DISC1: variants seen among roughly 807,000 people sequenced by gnomAD.
The protein encoded by DISC1 is DISC1 scaffold protein, also known as disrupted in schizophrenia 1 protein.
DISC1 carries 57 observed loss-of-function variants against 84.5 expected under a neutral mutation model. The ratio of observed to expected loss-of-function variants is 0.67; its 90% CI spans 0.55 to 0.84. The LOEUF (loss-of-function observed/expected upper bound fraction) is 0.84. Ranked by LOEUF, DISC1 falls within the 40% of genes least tolerant of loss-of-function variation. The pLI, the probability that DISC1 is intolerant of heterozygous loss-of-function variation, is 0.00. For missense variants in DISC1, 1,000 were observed against 1,057.8 expected, an observed-to-expected ratio of 0.95 and a Z score of 0.76; for synonymous variants, 411 against 415.2, an observed-to-expected ratio of 0.99 and a Z score of 0.12.
chr1:231,667,002 A>G (rs1380214277), intron 1 of DISC1, among the ~76,000 whole-genome samples: 4 of 152,194 alleles, frequency 2.6e-5, no homozygotes, highest in Non-Finnish European at 5.9e-5. Context: ...AATGTAGCTA[A>G]GATGTGGTAC....
rs888732180 is a variant in DISC1, at chr1:231,902,839, A to G, written c.1982-55989A>G. On this transcript the variant is annotated intron_variant, in intron 9 of 12. Coordinates refer to ENST00000439617, the MANE Select transcript of DISC1 (RefSeq NM_018662.3). The stretch of plus-strand genomic sequence containing the variant: ...CTCCAAAGTCTGAAACTTTTTGAAC[A>G]CCAACATGATGCTCAAATAAAGTGC... Among the ~76,000 whole-genome samples the G allele has an allele frequency of 2.6e-5, 4 of 152,106 alleles. No individual in the cohort carries two copies. In the East Asian group the frequency reaches 7.7e-4, roughly 29 times the overall value.
chr1:231,981,366 G>T lies in DISC1; in HGVS notation c.2042+22478G>T, dbSNP rs977616001. ...ATATCAGATTTAATATGTGAATAAT[G>T]AGGGAAACTGTGACTTTGGACAGAA... On this transcript the variant is annotated intron_variant, in intron 10 of 12. Transcript: ENST00000439617. Among the ~76,000 whole-genome samples, 3 of 152,210 alleles carry T rather than the reference G, an allele frequency of 2.0e-5. No individual in the cohort carries two copies. In the South Asian group the frequency reaches 6.2e-4, roughly 32 times the overall value.
At chr1:231,886,754 T>TC (rs2086709491) in intron 9 of DISC1, among the ~76,000 whole-genome samples, 2 of 124,080 alleles carry the variant, frequency 1.6e-5, no homozygotes, top group African/African-American at 6.1e-5. Context: ...TTTCTTCCTT[T>TC]CTTCCTTCCT....
Position 231,800,109 on chromosome 1 carries a change from T to A in DISC1, c.1691T>A (p.Val564Glu), listed in dbSNP as rs1573915857. 6.2e-6 allele frequency: 10 copies of A among 1,606,692 alleles called. No homozygotes were observed. In the East Asian group the frequency reaches 1.8e-4, roughly 29 times the overall value. ...NLSLKEITTK[V>E]CMSEKFCSTL... is the part of the protein sequence containing the mutation. ...TCCTGGTCATTTCTCTCCCCCTAGG[T>A]GTGTATGAGTGAGAAATTCTGCAGC... Residue 564 changes from valine (V) to glutamate (E), a missense_variant and splice_region_variant, in exon 8 of 13, where the codon GTG (valine) becomes GAG (glutamate). By Grantham distance (121) the Val-to-Glu change is moderately radical (BLOSUM62 -2). Around this residue, in one of 3 missense-constraint regions of DISC1, gnomAD observed 397 missense variants for 377.5 expected, o/e 1.05. Transcript: ENST00000439617.
intron 9 of DISC1, among the ~76,000 whole-genome samples, chr1:231,839,146 G>A (rs1350911022): frequency 6.6e-6 from 1 of 152,216 alleles, no homozygotes; most frequent in African/African-American, 2.4e-5. Flanking sequence ...GGAAGGGGCA[G>A]AAATAGTGTT....
chr1:231,650,268 A>T (rs1303310260), intron 1 of DISC1, among the ~76,000 whole-genome samples: 1 of 152,176 alleles, frequency 6.6e-6, no homozygotes, highest in African/African-American at 2.4e-5. Context: ...GTGGTAACAA[A>T]ATCTCTGAGC....
chr1:231,731,907 G>T (rs1287497787), intron 3 of DISC1, among the ~76,000 whole-genome samples: 1 of 152,214 alleles, frequency 6.6e-6, no homozygotes, highest in Non-Finnish European at 1.5e-5. Context: ...AAGTCACCAG[G>T]TAGATCTAGT....
At position 231,913,495 on chromosome 1, in the gene DISC1, A is replaced by C. The variant is rs73096831; in HGVS notation, c.1982-45333A>C. 2.8e-3 allele frequency among the ~76,000 whole-genome samples: 422 copies of C among 152,268 alleles called. 2 individuals are homozygous for C. Among genetic ancestry groups the C allele is most frequent in the African/African-American group, 9.6e-3 (398 of 41,544 alleles). ...TTCTTTCCCTGATTGTAGCAGGATA[A>C]GGGTGAGGCAGCCGAGGTGCCTGGG... On this transcript the variant is annotated intron_variant, in intron 9 of 12. Coordinates refer to ENST00000439617, the MANE Select transcript of DISC1 (RefSeq NM_018662.3).
chr1:231,840,798 C>T (rs1185699752), intron 9 of DISC1, among the ~76,000 whole-genome samples: 2 of 152,126 alleles, frequency 1.3e-5, no homozygotes, highest in Non-Finnish European at 2.9e-5. Context: ...AGCTCCGCCT[C>T]AGCCCAAGGG....
chr1:231,781,115 T>A (rs1290453111), intron 6 of DISC1, among the ~76,000 whole-genome samples: 12 of 134,762 alleles, frequency 8.9e-5, no homozygotes, highest in Non-Finnish European at 1.8e-4. Context: ...TATATGTAAC[T>A]AACCTGCACA....
intron 11 of DISC1, among the ~76,000 whole-genome samples, chr1:232,025,174 C>T (rs16856245): frequency 0.019 from 2,905 of 152,190 alleles, 86 homozygotes; most frequent in African/African-American, 0.067. Context: ...AATGGTTGCA[C>T]TACAAGGTGA....
chr1:231,799,789 T>C (rs1023096451), intron 7 of DISC1, among the ~76,000 whole-genome samples: 4 of 149,574 alleles, frequency 2.7e-5, no homozygotes, highest in Admixed American at 2.0e-4. Context: ...GAATATGCCA[T>C]TGCTCACTTT....
intron 6 of DISC1, among the ~76,000 whole-genome samples, chr1:231,780,727 A>G (rs1232439472): frequency 2.0e-4 from 18 of 91,424 alleles, no homozygotes; most frequent in African/African-American, 7.2e-4. Flanking sequence ...TTATTGCGGC[A>G]TTATTCACAA....
intron 9 of DISC1, among the ~76,000 whole-genome samples, chr1:231,874,526 T>C (rs933868059): frequency 1.5e-4 from 23 of 152,166 alleles, no homozygotes; most frequent in Non-Finnish European, 1.5e-4. Context: ...CTCTCATTGA[T>C]TTTTGTCCCT....
chr1:231,968,416 G>A (rs572925697), intron 10 of DISC1, among the ~76,000 whole-genome samples: 1 of 152,008 alleles, frequency 6.6e-6, no homozygotes, highest in African/African-American at 2.4e-5. Flanking sequence ...CTGAGCAGAC[G>A]TACCAGTCAC....
rs2076230627 is a variant in DISC1 at position 231,767,195 on chromosome 1, C to T, written c.1324C>T (p.Pro442Ser). The change falls in exon 5 of 13, where the codon CCC (proline) becomes TCC (serine). Residue 442 changes from proline (P) to serine (S), a missense_variant. Around this residue, in one of 3 missense-constraint regions of DISC1, gnomAD observed 311 missense variants for 400.1 expected, o/e 0.78. Coordinates refer to ENST00000439617, the MANE Select transcript of DISC1 (RefSeq NM_018662.3). ...GAGAATGGAGCCGAGGCTGTTGGAA[C>T]CCACTGCTCAGGACAGCTTGCACGT... The part of the protein sequence containing the change: ...PLRMEPRLLE[P>S]TAQDSLHVSI... 3 of 1,614,106 alleles carry T rather than the reference C, an allele frequency of 1.9e-6. No homozygotes were observed. The highest frequency in any genetic ancestry group is 2.5e-6 in the Non-Finnish European group (3 of 1,180,056).
At chr1:231,727,553 A>C (rs201324228) in intron 3 of DISC1, among the ~76,000 whole-genome samples, 1 of 152,154 alleles carries the variant, frequency 6.6e-6, no homozygotes, top group Non-Finnish European at 1.5e-5. Context: ...GACTCACTGA[A>C]TATAGGCTGA....
At position 231,733,241 on chromosome 1, in the gene DISC1, AGTG is replaced by A. The variant is rs1359515063; in HGVS notation, c.1118-16678_1118-16676del. On this transcript the variant is annotated intron_variant, in intron 3 of 12. Transcript: ENST00000439617. Reference sequence around the variant, plus strand: ...AGTGTTGTTGGTGATGGTAGGTAGGAGTGGTGGTGATGGTAGAGGTGGTGGTAA... The same window carrying A: ...AGTGTTGTTGGTGATGGTAGGTAGGAGTGGTGATGGTAGAGGTGGTGGTAA... Among the ~76,000 whole-genome samples the A allele has an allele frequency of 5.7e-5, 8 of 140,812 alleles. No homozygotes were observed. The East Asian group carries it at 1.7e-3, about 31-fold the overall frequency. The allele number at this position is 140,812 out of a possible 152,430, so 92.4% of individuals were successfully genotyped here. A position where few individuals can be genotyped will look rare whatever the true frequency, so the allele number is the denominator to read the frequency against.
intron 9 of DISC1, among the ~76,000 whole-genome samples, chr1:231,895,706 A>G (rs932445027): frequency 2.6e-5 from 4 of 151,800 alleles, no homozygotes; most frequent in African/African-American, 7.3e-5. Context: ...TCTTCATACT[A>G]TCTTTCCCCG....
Sources: gnomAD v4.1 joint callset for allele counts (sites outside exome capture counted in the v4.1 genomes callset) on GRCh38, gnomAD v4.1.1 for gene constraint, gnomAD v4.1.1 regional missense constraint, MANE v1.5 for transcripts, NCBI Gene and HGNC (gene_info 2026-07-23, HGNC 2026-07-21) for gene names.